The following PCSK5 variants were observed in gnomAD, a reference collection of about 807,000 sequenced individuals.
The protein encoded by PCSK5 is proprotein convertase subtilisin/kexin type 5, also known as prohormone convertase 5.
A neutral mutation model predicts 233.2 loss-of-function variants in PCSK5; 129 were observed. That is an observed-to-expected ratio of 0.55 (90% CI 0.48 to 0.64). PCSK5 has a LOEUF of 0.64. PCSK5 is among the 30% of genes least tolerant of loss of function. The pLI is 0.00. For missense variants in PCSK5, 2,076 were observed against 2,430.1 expected (o/e 0.85, Z 3.06); for synonymous variants, 825 against 879.2 (o/e 0.94, Z 1.09).
In PCSK5 at chr9:76,205,337, G is replaced by A. The variant is rs77700165; in HGVS notation, c.2626+15591G>A. ...ACAGAACACAGCGTGAGGAGGTGGC[G>A]AGACATTCGCAGACCATAGAGGGCC... On this transcript the variant is annotated intron_variant, in intron 20 of 37. Coordinates refer to ENST00000674117, the MANE Select transcript of PCSK5 (RefSeq NM_001372043.1). 8.3e-4 allele frequency: 412 copies of A among 496,584 alleles called. 6 individuals are homozygous for A. The East Asian group carries it at 0.02, about 24-fold the overall frequency. 30.8% of individuals were successfully genotyped at this position (496,584 alleles called of 1,614,324 possible). A position where few individuals can be genotyped will look rare whatever the true frequency, so the allele number is the denominator to read the frequency against.
chr9:75,896,860 G>A (rs1825829274), intron 1 of PCSK5, among the ~76,000 whole-genome samples: 1 of 152,134 alleles, frequency 6.6e-6, no homozygotes, highest in Non-Finnish European at 1.5e-5. Flanking sequence ...ACTCATGAGT[G>A]TTCTCACTAG....
intron 24 of PCSK5, among the ~76,000 whole-genome samples, chr9:76,272,939 T>G (rs1645938603): frequency 6.6e-6 from 1 of 151,882 alleles, no homozygotes; most frequent in South Asian, 2.1e-4. Flanking sequence ...CCCCAAACTC[T>G]TTGCAATCTA....
chr9:76,155,114 CG>C (rs2131808911), intron 10 of PCSK5, among the ~76,000 whole-genome samples: 1 of 152,204 alleles, frequency 6.6e-6, no homozygotes, highest in Non-Finnish European at 1.5e-5. Flanking sequence ...CACATTTATC[CG>C]TGCCATAGCA....
intron 35 of PCSK5, among the ~76,000 whole-genome samples, chr9:76,349,064 G>A (rs2643320): frequency 0.42 from 63,522 of 151,534 alleles, 15,153 homozygotes; most frequent in East Asian, 0.56. Context: ...CAGGTGATGA[G>A]ATCGAGACCA....
intron 5 of PCSK5, among the ~76,000 whole-genome samples, chr9:76,035,104 C>T (rs1366637929): frequency 6.6e-6 from 1 of 152,090 alleles, no homozygotes; most frequent in Non-Finnish European, 1.5e-5. Context: ...AATTCAAGCC[C>T]CTCGAATAAA....
Position 76,193,413 on chromosome 9 carries a change from G to GAAAAA in PCSK5, c.2626+3669_2626+3673dup, listed in dbSNP as rs3077117. The GAAAAA allele has an allele frequency of 5.1e-3, 4,948 of 970,500 alleles. 39 individuals carry two copies. Among genetic ancestry groups the GAAAAA allele is most frequent in the African/African-American group, 0.014 (813 of 56,470 alleles). The allele number at this position is 970,500 out of a possible 1,614,324, so 60.1% of individuals were successfully genotyped here. The stretch of plus-strand genomic sequence containing the variant: ...ATAGATTATTCCATATTATTAAAAA[G>GAAAAA]AAAAAAGCCAAAAAGAAAAAAAAAA... On this transcript the variant is annotated intron_variant, in intron 20 of 37. Transcript: ENST00000674117.
intron 2 of PCSK5, among the ~76,000 whole-genome samples, chr9:75,951,712 G>GA (rs1175326130): frequency 7.3e-5 from 11 of 150,604 alleles, no homozygotes; most frequent in East Asian, 1.9e-4. Flanking sequence ...AAATACTTGG[G>GA]AAAAAACAGT....
At chr9:76,108,885 T>C (rs1161441994) in intron 9 of PCSK5, among the ~76,000 whole-genome samples, 2 of 152,132 alleles carry the variant, frequency 1.3e-5, no homozygotes, top group Admixed American at 1.3e-4. Context: ...ATACAGCAAA[T>C]TGCTAAGTCA....
intron 37 of PCSK5, among the ~76,000 whole-genome samples, chr9:76,354,749 C>T (rs758223450): frequency 1.3e-5 from 2 of 152,158 alleles, no homozygotes; most frequent in Non-Finnish European, 2.9e-5. Context: ...TGCACTTCAG[C>T]CTGGGTGACA....
chr9:76,113,677 GA>G (rs1288799415), intron 9 of PCSK5, among the ~76,000 whole-genome samples: 1 of 152,134 alleles, frequency 6.6e-6, no homozygotes, highest in Non-Finnish European at 1.5e-5. Flanking sequence ...ACTGTTAAGG[GA>G]GGCCACATAG....
chr9:75,900,140 G>A (rs1422061789), intron 1 of PCSK5, among the ~76,000 whole-genome samples: 1 of 152,118 alleles, frequency 6.6e-6, no homozygotes, highest in Non-Finnish European at 1.5e-5. Flanking sequence ...TCTTGCCAAT[G>A]TGCTGGAGTA....
chr9:75,995,340 C>A (rs576773788), intron 3 of PCSK5, among the ~76,000 whole-genome samples: 4 of 152,030 alleles, frequency 2.6e-5, no homozygotes, highest in African/African-American at 4.8e-5. Context: ...ATATAATAGG[C>A]CTTTATAAAT....
intron 5 of PCSK5, among the ~76,000 whole-genome samples, chr9:76,037,863 A>T (rs1828927899): frequency 6.6e-6 from 1 of 152,156 alleles, no homozygotes; most frequent in Non-Finnish European, 1.5e-5. Context: ...AATCCCCGCC[A>T]ATTCTCCTGC....
chr9:75,922,789 A>G (rs897844667), intron 1 of PCSK5, among the ~76,000 whole-genome samples: 2 of 152,344 alleles, frequency 1.3e-5, no homozygotes, highest in African/African-American at 4.8e-5. Flanking sequence ...ATAGTTGGGC[A>G]GACCATCAGA....
chr9:76,160,929 A>G (rs527892652), intron 12 of PCSK5, among the ~76,000 whole-genome samples: 1 of 152,146 alleles, frequency 6.6e-6, no homozygotes, highest in South Asian at 2.1e-4. Context: ...ACACGCCACC[A>G]CAGCCAGCTA....
intron 27 of PCSK5, among the ~76,000 whole-genome samples, chr9:76,297,643 G>A (rs1016950905): frequency 1.3e-5 from 2 of 152,170 alleles, no homozygotes; most frequent in Non-Finnish European, 2.9e-5. Flanking sequence ...TCCTCTTCCT[G>A]TTGGAAAAAT....
chr9:76,219,988 C>T (rs1825671732), intron 20 of PCSK5, among the ~76,000 whole-genome samples: 1 of 152,124 alleles, frequency 6.6e-6, no homozygotes, highest in African/African-American at 2.4e-5. Flanking sequence ...ATAGAGGAGA[C>T]AGTTGGGGAT....
rs11144753 is a variant in PCSK5 at position 76,121,570 on chromosome 9, A to G, written c.1209-12539A>G. Among the ~76,000 whole-genome samples the G allele has an allele frequency of 3.2e-3, 495 of 152,332 alleles. 4 individuals carry two copies. The highest frequency in any genetic ancestry group is 0.011 in the African/African-American group (476 of 41,584). ...TCATCTATAAGGTAACATGGGTAGT[A>G]AACGGAGAGTCAAGCTTTTAACCCA... On this transcript the variant is annotated intron_variant, in intron 9 of 37. Transcript: ENST00000674117.
intron 1 of PCSK5, among the ~76,000 whole-genome samples, chr9:75,925,770 G>A (rs2131266306): frequency 1.3e-5 from 2 of 152,298 alleles, no homozygotes; most frequent in East Asian, 3.9e-4. Flanking sequence ...TCCTCCTTAT[G>A]GATTCTCCTT....
Sources: allele counts gnomAD v4.1 joint callset (sites outside exome capture counted in the v4.1 genomes callset), GRCh38; gene constraint gnomAD v4.1.1; transcripts MANE v1.5; gene names NCBI Gene and HGNC (gene_info 2026-07-23, HGNC 2026-07-21).